Variants in LTA4H observed in about 807,000 individuals in gnomAD.
The protein encoded by LTA4H is leukotriene A-4 hydrolase.
A neutral mutation model predicts 89.8 loss-of-function variants in LTA4H; 59 were observed. The ratio of observed to expected loss-of-function variants is 0.66; its 90% CI spans 0.53 to 0.82. The LOEUF (loss-of-function observed/expected upper bound fraction) is 0.82, where lower values mean the gene tolerates loss of function less well. LTA4H is among the 40% of genes least tolerant of loss of function. LTA4H has a pLI of 0.00. For missense variants in LTA4H, 617 were observed against 727.0 expected (o/e 0.85, Z 1.74); for synonymous variants, 227 against 253.1 (o/e 0.90, Z 0.98).
At chr12:96,019,562 C>G (rs1009883882) in intron 6 of LTA4H, among the ~76,000 whole-genome samples, 2 of 151,850 alleles carry the variant, frequency 1.3e-5, no homozygotes, top group African/African-American at 4.8e-5. Flanking sequence ...CTATAGAAAC[C>G]CAGTCACAAC....
intron 8 of LTA4H, among the ~76,000 whole-genome samples, chr12:96,017,812 A>G (rs1307847252): frequency 1.3e-5 from 2 of 152,214 alleles, no homozygotes; most frequent in Non-Finnish European, 1.5e-5. Context: ...AATACAATGA[A>G]AGCCAGTCTA....
chr12:96,039,862 T>G (rs1416563279), upstream of LTA4H, among the ~76,000 whole-genome samples: 1 of 152,244 alleles, frequency 6.6e-6, no homozygotes, highest in Non-Finnish European at 1.5e-5. Flanking sequence ...ATTTATTAGA[T>G]GCATTCTACT....
At chr12:96,015,198 T>A (rs2072512) in intron 11 of LTA4H, 199 bp from the exon 12 acceptor site, 222,226 of 509,326 alleles carry the variant, frequency 0.44, 51,554 homozygotes, top group African/African-American at 0.73. Context: ...ATATTCTCTG[T>A]TGTTTCTTGC....
At chr12:96,011,780 T>C (rs1950304883) in intron 14 of LTA4H, 1 of 152,180 alleles carries the variant, frequency 6.6e-6, no homozygotes, top group Non-Finnish European at 1.5e-5. Flanking sequence ...CAATAGATTC[T>C]AGCCCCCAAA....
Position 96,017,552 on chromosome 12 carries a change from C to G in LTA4H, c.876+5G>C. On this transcript the variant is annotated splice_donor_5th_base_variant and intron_variant, in intron 9 of 18. Transcript: ENST00000228740. ...GTAAGGCCATAATGAAAAAGTTTAA[C>G]TTACATTGGAGAGTGACTTGTCGCC... is the stretch of plus-strand genomic sequence containing the variant. 2 of 1,609,210 alleles carry G rather than the reference C, an allele frequency of 1.2e-6. No homozygotes were observed. Among genetic ancestry groups the G allele is most frequent in the East Asian group, 4.5e-5 (2 of 44,700 alleles).
At chr12:96,007,708 G>GC (rs1177611707) in intron 15 of LTA4H, among the ~76,000 whole-genome samples, 1 of 152,132 alleles carries the variant, frequency 6.6e-6, no homozygotes, top group Non-Finnish European at 1.5e-5. Flanking sequence ...CACCTTAACT[G>GC]CTGGGCCCAA....
chr12:96,006,157 T>TA (rs1566002032), intron 16 of LTA4H, among the ~76,000 whole-genome samples, 157 bp downstream of exon 16: 1 of 152,248 alleles, frequency 6.6e-6, no homozygotes, highest in Non-Finnish European at 1.5e-5. Flanking sequence ...TAAAACACAG[T>TA]AAGCATTCAA....
intron 1 of LTA4H, among the ~76,000 whole-genome samples, chr12:96,042,334 G>C (rs1420899118): frequency 6.6e-6 from 1 of 152,120 alleles, no homozygotes; most frequent in African/African-American, 2.4e-5. Flanking sequence ...TACTGACTGA[G>C]TGGTTAAATT....
chr12:96,041,727 C>T (rs1329589815), intron 1 of LTA4H, among the ~76,000 whole-genome samples: 5 of 151,838 alleles, frequency 3.3e-5, no homozygotes, highest in Non-Finnish European at 7.4e-5. Flanking sequence ...CTGCAAGCTC[C>T]GCCTCCCGGG....
chr12:96,031,925 C>T (rs7956370), intron 1 of LTA4H, among the ~76,000 whole-genome samples: 19,838 of 152,116 alleles, frequency 0.13, 1,649 homozygotes, highest in Non-Finnish European at 0.19. Flanking sequence ...TTGCTATGTG[C>T]AGGGATATGA....
intron 10 of LTA4H, 119 bp downstream of exon 10, chr12:96,016,925 C>T: frequency 1.4e-6 from 1 of 735,570 alleles, no homozygotes; most frequent in Non-Finnish European, 2.4e-6. Context: ...CCTTGCCTAC[C>T]TAAGAGATGA....
chr12:96,015,616 A>C lies in LTA4H; in HGVS notation c.1026T>G (p.Asn342Lys). The C allele has an allele frequency of 1.2e-6, 2 of 1,614,072 alleles. No individual in the cohort carries two copies. The highest frequency in any genetic ancestry group is 1.7e-6 in the Non-Finnish European group (2 of 1,179,900). Reference sequence around the variant, plus strand: ...GTAGTTCTCCCCATCCTCCCAGAGCATTAAAATGTCTGAACTTTTCACCAA... The same window carrying C: ...GTAGTTCTCCCCATCCTCCCAGAGCCTTAAAATGTCTGAACTTTTCACCAA... ...RLFGEKFRHF[N>K]ALGGWGELQN... The change falls in exon 11 of 19, where the codon AAT (asparagine) becomes AAG (lysine). Residue 342 changes from asparagine to lysine, a missense_variant. Physicochemically the swap from Asn to Lys is moderately conservative, Grantham distance 94 (BLOSUM62 0). Transcript: ENST00000228740.
upstream of LTA4H, among the ~76,000 whole-genome samples, chr12:96,039,871 C>T (rs1352762530): frequency 1.3e-5 from 2 of 152,186 alleles, no homozygotes; most frequent in African/African-American, 4.8e-5. Context: ...ATGCATTCTA[C>T]TACACTGTGC....
In LTA4H at chr12:96,013,269, T is replaced by TA. The variant is rs776529122; in HGVS notation, c.1309-12dup. The TA allele has an allele frequency of 6.3e-7, 1 of 1,598,818 alleles. No homozygotes were observed. The highest frequency in any genetic ancestry group is 1.1e-5 in the South Asian group (1 of 90,734). ...ATTGAGAACATCAACCTATGAATAGTAAGAATTCACAGTTTACAATAGAAT... is the reference window on the plus strand; with the variant it reads ...ATTGAGAACATCAACCTATGAATAGTAAAGAATTCACAGTTTACAATAGAAT... On this transcript the variant is annotated splice_polypyrimidine_tract_variant and intron_variant, in intron 13 of 18. Coordinates refer to ENST00000228740, the MANE Select transcript of LTA4H (RefSeq NM_000895.3).
rs752018973 is a variant in LTA4H at position 96,004,803 on chromosome 12, T to G, written c.1531-883A>C. Among the ~76,000 whole-genome samples, 4 of 152,152 alleles carry G rather than the reference T, an allele frequency of 2.6e-5. No homozygotes were observed. The East Asian group carries it at 7.7e-4, about 29-fold the overall frequency. Reference sequence around the variant, plus strand: ...TCCAAGTCTACCCTGGTAGACCAACTGGTTAAGGTCATCTCCAAGGCTCCC... The same window carrying G: ...TCCAAGTCTACCCTGGTAGACCAACGGGTTAAGGTCATCTCCAAGGCTCCC... On this transcript the variant is annotated intron_variant, in intron 16 of 18. Coordinates refer to ENST00000228740, the MANE Select transcript of LTA4H (RefSeq NM_000895.3).
intron 13 of LTA4H, 117 bp downstream of exon 13, chr12:96,013,633 A>G (rs1048905450): frequency 3.2e-6 from 2 of 631,288 alleles, no homozygotes; most frequent in African/African-American, 3.8e-5. Flanking sequence ...ATGCAATGAG[A>G]GGTTGAGTCC....
At chr12:96,019,067 T>A (rs1950419580) in intron 7 of LTA4H, 101 bp downstream of exon 7, 1 of 1,222,794 alleles carries the variant, frequency 8.2e-7, no homozygotes, top group South Asian at 1.4e-5. Flanking sequence ...AAAGACAATC[T>A]GGTTCTTTCC....
rs997613853 is a variant in LTA4H at position 96,014,714 on chromosome 12, AAAC to A, written c.1204+138_1204+140del. 9 of 778,344 alleles carry A rather than the reference AAAC, an allele frequency of 1.2e-5. No homozygotes were observed. In the African/African-American group the frequency reaches 1.6e-4, roughly 14 times the overall value. 48.2% of individuals were successfully genotyped at this position (778,344 alleles called of 1,614,324 possible). On this transcript the variant is annotated intron_variant, in intron 12 of 18. Transcript: ENST00000228740. ...GTTTTAAGTTGAGAGGTAACTCAGA[AAAC>A]AATACAGATTTCTTCAGCAGCTACA...
chr12:96,009,456 G>C, intron 14 of LTA4H: 2 of 316,714 alleles, frequency 6.3e-6, no homozygotes, highest in South Asian at 7.5e-5. Flanking sequence ...AATCAGTTGA[G>C]CATATTTAGT....
Sources: gnomAD v4.1 joint callset for allele counts (sites outside exome capture counted in the v4.1 genomes callset) on GRCh38, gnomAD v4.1.1 for gene constraint, MANE v1.5 for transcripts, NCBI Gene and HGNC (gene_info 2026-07-23, HGNC 2026-07-21) for gene names.